The following CLTCL1 variants were observed in gnomAD, a reference collection of about 807,000 sequenced individuals.
The protein encoded by CLTCL1 is clathrin heavy chain like 1, also known as clathrin heavy chain 2.
CLTCL1 carries 159 observed loss-of-function variants against 190.0 expected under a neutral mutation model. The observed-to-expected ratio is 0.84, with a 90% CI of 0.74 to 0.95. The LOEUF (loss-of-function observed/expected upper bound fraction) is 0.95. Among genes scored for constraint, CLTCL1 ranks in the 40% least tolerant of loss-of-function variants. The pLI, the probability that CLTCL1 is intolerant of heterozygous loss-of-function variation, is 0.00. For synonymous variants in CLTCL1, 752 were observed against 769.6 expected, an observed-to-expected ratio of 0.98 and a Z score of 0.38; for missense variants, 1,878 against 2,033.4, an observed-to-expected ratio of 0.92 and a Z score of 1.47.
At chr22:19,185,087 CCTCCAGGAAGA>C (rs1490759211) in intron 29 of CLTCL1, among the ~76,000 whole-genome samples, 2 of 152,254 alleles carry the variant, frequency 1.3e-5, no homozygotes, top group Non-Finnish European at 2.9e-5. Context: ...CCTGGCCACT[CCTCCAGGAAGA>C]CTCCAGGAGG....
At chr22:19,273,105 T>C (rs1341008500) in intron 2 of CLTCL1, among the ~76,000 whole-genome samples, 1 of 152,180 alleles carries the variant, frequency 6.6e-6, no homozygotes, top group Non-Finnish European at 1.5e-5. Context: ...AGGTGTGTGA[T>C]ATGGCAGAGG....
At chr22:19,257,657 G>A (rs919058650) in intron 2 of CLTCL1, 2 of 484,102 alleles carry the variant, frequency 4.1e-6, no homozygotes, top group African/African-American at 2.0e-5. Context: ...TGGGCTCCCA[G>A]ATCTCTGTGT....
intron 18 of CLTCL1, among the ~76,000 whole-genome samples, chr22:19,216,534 T>A (rs2085390765): frequency 6.6e-6 from 1 of 152,244 alleles, no homozygotes; most frequent in Admixed American, 6.5e-5. Flanking sequence ...AATGAATGTC[T>A]CCTTTTAGAT....
chr22:19,188,196 G>C, intron 27 of CLTCL1, 105 bp from the exon 28 acceptor site: 2 of 995,782 alleles, frequency 2.0e-6, no homozygotes, highest in Admixed American at 1.9e-5. Flanking sequence ...GAATGGTCCA[G>C]CTCTGGAGCC....
intron 2 of CLTCL1, among the ~76,000 whole-genome samples, chr22:19,263,027 T>C (rs1384706169): frequency 6.9e-6 from 1 of 144,434 alleles, no homozygotes; most frequent in Middle Eastern, 3.6e-3. Flanking sequence ...AGAGACTCCA[T>C]CTTTAAAAAA....
intron 18 of CLTCL1, among the ~76,000 whole-genome samples, chr22:19,218,579 G>A (rs2085465341): frequency 6.6e-6 from 1 of 152,174 alleles, no homozygotes; most frequent in African/African-American, 2.4e-5. Context: ...CAATGTGTAT[G>A]AGGGAGGTGG....
intron 3 of CLTCL1, chr22:19,249,831 C>T: frequency 2.7e-6 from 1 of 366,844 alleles, no homozygotes; most frequent in Non-Finnish European, 5.5e-6. Context: ...ATACCCTGTT[C>T]ACAAACCATC....
chr22:19,251,657 C>T (rs868967670), intron 3 of CLTCL1, among the ~76,000 whole-genome samples: 21 of 151,986 alleles, frequency 1.4e-4, no homozygotes, highest in South Asian at 6.3e-4. Flanking sequence ...GGGGTTTCAC[C>T]GTGTTAGCCA....
intron 19 of CLTCL1, among the ~76,000 whole-genome samples, chr22:19,210,912 A>G (rs2085199510): frequency 6.6e-6 from 1 of 152,070 alleles, no homozygotes; most frequent in Non-Finnish European, 1.5e-5. Flanking sequence ...ACTTTTTAAA[A>G]ATTTTGAGAC....
chr22:19,254,462 T>C (rs2086689768), intron 2 of CLTCL1, among the ~76,000 whole-genome samples: 1 of 152,222 alleles, frequency 6.6e-6, no homozygotes, highest in Non-Finnish European at 1.5e-5. Context: ...AGTATGTAAC[T>C]ATTCATAGAA....
chr22:19,228,486 C>A (rs556490670), intron 11 of CLTCL1, among the ~76,000 whole-genome samples: 1 of 152,302 alleles, frequency 6.6e-6, no homozygotes, highest in South Asian at 2.1e-4. Flanking sequence ...CGGTTACATA[C>A]ACTCACAAAG....
intron 1 of CLTCL1, among the ~76,000 whole-genome samples, chr22:19,279,685 G>C (rs566379022): frequency 6.6e-6 from 1 of 152,164 alleles, no homozygotes; most frequent in African/African-American, 2.4e-5. Flanking sequence ...TAACTTTCAC[G>C]GATAATCAGT....
intron 30 of CLTCL1, chr22:19,181,053 C>A: frequency 1.8e-6 from 1 of 550,870 alleles, no homozygotes; most frequent in Non-Finnish European, 3.3e-6. Context: ...CAGAGCTTCC[C>A]AGTGGGCACT....
At chr22:19,270,448 T>C (rs2087272623) in intron 2 of CLTCL1, among the ~76,000 whole-genome samples, 1 of 150,886 alleles carries the variant, frequency 6.6e-6, no homozygotes, top group African/African-American at 2.4e-5. Context: ...TGAATGTTGG[T>C]CGGGCACGGT....
At chr22:19,260,592 G>A (rs2086908834) in intron 2 of CLTCL1, among the ~76,000 whole-genome samples, 1 of 151,706 alleles carries the variant, frequency 6.6e-6, no homozygotes, top group South Asian at 2.1e-4. Flanking sequence ...CCTGACCAAC[G>A]TGGAAAGAAA....
At chr22:19,190,065 C>G (rs1418483949) in intron 27 of CLTCL1, among the ~76,000 whole-genome samples, 1 of 152,196 alleles carries the variant, frequency 6.6e-6, no homozygotes, top group Non-Finnish European at 1.5e-5. Context: ...CTCAGCCTCC[C>G]AAGTAGCTGG....
Position 19,237,287 on chromosome 22 carries a change from C to A in CLTCL1, c.796-1418G>T, listed in dbSNP as rs141564423. ...GCCAGGAGTTCAAGACTGGCCTAGGCAACATAGCAAGACCCCATCTCTACT... is the reference window on the plus strand; with the variant it reads ...GCCAGGAGTTCAAGACTGGCCTAGGAAACATAGCAAGACCCCATCTCTACT... On this transcript the variant is annotated intron_variant, in intron 5 of 32. Coordinates refer to ENST00000427926, the MANE Select transcript of CLTCL1 (RefSeq NM_007098.4). 5.9e-5 allele frequency among the ~76,000 whole-genome samples: 9 copies of A among 152,008 alleles called. No individual in the cohort carries two copies. The East Asian group carries it at 1.7e-3, about 29-fold the overall frequency.
chr22:19,183,305 C>G, intron 30 of CLTCL1, 85 bp downstream of exon 30: 1 of 1,249,650 alleles, frequency 8.0e-7, no homozygotes, highest in African/African-American at 1.5e-5. Flanking sequence ...AAGGGGCCCA[C>G]CCTTAAGACC....
chr22:19,223,827 G>A, intron 14 of CLTCL1, 64 bp downstream of exon 14: 2 of 1,595,650 alleles, frequency 1.3e-6, no homozygotes, highest in Non-Finnish European at 1.7e-6. Flanking sequence ...ACGTCCTGCG[G>A]ATGGTCTGCC....
Sources: allele counts gnomAD v4.1 joint callset (sites outside exome capture counted in the v4.1 genomes callset), GRCh38; gene constraint gnomAD v4.1.1; transcripts MANE v1.5; gene names NCBI Gene and HGNC (gene_info 2026-07-23, HGNC 2026-07-21).